Variants in CFAP20DC observed in about 807,000 individuals in gnomAD.
CFAP20DC encodes CFAP20 domain containing.
In CFAP20DC, 84 loss-of-function variants were observed where a neutral mutation model predicts 101.7. That is an observed-to-expected ratio of 0.83 (90% confidence interval 0.69 to 0.99). The LOEUF (loss-of-function observed/expected upper bound fraction) is 0.99, where lower values mean the gene tolerates loss of function less well. CFAP20DC is among the 50% of genes least tolerant of loss of function. The probability of loss-of-function intolerance (pLI) is 0.00; values close to 1 mark genes in which losing one functional copy is unlikely to be tolerated. For missense variants in CFAP20DC, 1,007 were observed against 970.3 expected, an observed-to-expected ratio of 1.04 and a Z score of -0.50; for synonymous variants, 359 against 351.2, an observed-to-expected ratio of 1.02 and a Z score of -0.25.
intron 4 of CFAP20DC, among the ~76,000 whole-genome samples, chr3:58,983,660 G>T (rs1006320343): frequency 8.6e-5 from 13 of 152,036 alleles, no homozygotes; most frequent in Admixed American, 8.5e-4. Flanking sequence ...CACCAAAATA[G>T]AAATTGTTAT....
chr3:58,965,525 T>C (rs1185660360), intron 4 of CFAP20DC, among the ~76,000 whole-genome samples: 1 of 152,168 alleles, frequency 6.6e-6, no homozygotes, highest in African/African-American at 2.4e-5. Context: ...ATCTCAGATG[T>C]GCCACATCCT....
chr3:58,874,393 T>C lies in CFAP20DC; in HGVS notation c.716-4084A>G, dbSNP rs1377388594. Among the ~76,000 whole-genome samples the C allele has an allele frequency of 6.6e-6, 1 of 152,244 alleles. No homozygotes were observed. The highest frequency in any genetic ancestry group is 1.5e-5 in the Non-Finnish European group (1 of 68,044). On this transcript the variant is annotated intron_variant, in intron 7 of 16. Coordinates refer to ENST00000482387, the MANE Select transcript of CFAP20DC (RefSeq NM_001394063.1). The surrounding 1 kb of genome is among the most constrained non-coding windows in gnomAD (Gnocchi z 5.1). ...CCAAAATGCAGCCAGAGAGGTTTTA[T>C]ACAAACATAAATCTAATTGAGTCAT...
intron 3 of CFAP20DC, among the ~76,000 whole-genome samples, chr3:59,044,305 C>T (rs951894006): frequency 6.6e-6 from 1 of 152,078 alleles, no homozygotes; most frequent in Non-Finnish European, 1.5e-5. Context: ...ACAAACTTCA[C>T]ATAGAAGGTC....
At chr3:59,004,110 G>C (rs1004046745) in intron 4 of CFAP20DC, among the ~76,000 whole-genome samples, 5 of 152,128 alleles carry the variant, frequency 3.3e-5, no homozygotes, top group African/African-American at 7.2e-5. Flanking sequence ...TAGGACAAGG[G>C]GGTCAAGCTA....
intron 6 of CFAP20DC, among the ~76,000 whole-genome samples, chr3:58,903,266 G>A (rs1020953309): frequency 1.3e-5 from 2 of 151,948 alleles, no homozygotes; most frequent in African/African-American, 4.8e-5. Context: ...TTCTCTAAGA[G>A]TTTTACAGTT....
At chr3:58,946,344 T>A (rs1160316374) in intron 4 of CFAP20DC, among the ~76,000 whole-genome samples, 5 of 151,988 alleles carry the variant, frequency 3.3e-5, no homozygotes, top group African/African-American at 1.2e-4. Context: ...CTCGAACTCC[T>A]GACCTCAGGT....
At chr3:58,779,522 G>A (rs1395358211) in intron 15 of CFAP20DC, among the ~76,000 whole-genome samples, 1 of 152,014 alleles carries the variant, frequency 6.6e-6, no homozygotes, top group East Asian at 1.9e-4. Flanking sequence ...GCAAATATTA[G>A]TAGATAGAAA....
intron 14 of CFAP20DC, among the ~76,000 whole-genome samples, chr3:58,807,491 C>A (rs980429185): frequency 1.3e-5 from 2 of 152,222 alleles, no homozygotes; most frequent in African/African-American, 4.8e-5. Flanking sequence ...CTCCAACAGA[C>A]CTGCAGCTGA....
At chr3:58,908,378 AAT>A (rs2107294368) in intron 6 of CFAP20DC, among the ~76,000 whole-genome samples, 1 of 152,264 alleles carries the variant, frequency 6.6e-6, no homozygotes, top group East Asian at 1.9e-4. Context: ...TCATCCTTCT[AAT>A]ATGATTTTTC....
At chr3:59,032,050 G>A (rs1225543640) in intron 4 of CFAP20DC, among the ~76,000 whole-genome samples, 1 of 152,190 alleles carries the variant, frequency 6.6e-6, no homozygotes, top group African/African-American at 2.4e-5. Context: ...AGGAGGGCGA[G>A]CCAAAGCAGG....
chr3:58,906,058 T>A (rs2083555721), intron 6 of CFAP20DC, among the ~76,000 whole-genome samples: 1 of 152,176 alleles, frequency 6.6e-6, no homozygotes. Flanking sequence ...ACTTGACCTC[T>A]CCATGCCTCA....
intron 14 of CFAP20DC, among the ~76,000 whole-genome samples, chr3:58,822,758 C>G (rs2075773645): frequency 6.6e-6 from 1 of 152,246 alleles, no homozygotes; most frequent in African/African-American, 2.4e-5. Context: ...TCCTCACCTA[C>G]AAATGGATAT....
At chr3:58,850,670 ATAAACT>A (rs573715749) in intron 12 of CFAP20DC, among the ~76,000 whole-genome samples, 275 of 152,194 alleles carry the variant, frequency 1.8e-3, no homozygotes, top group African/African-American at 6.4e-3. Context: ...ATGTGAAATG[ATAAACT>A]TAGAATAGAG....
rs551090547 is a variant in CFAP20DC at position 58,769,217 on chromosome 3, C to T, written c.2238-15354G>A. 6.6e-5 allele frequency among the ~76,000 whole-genome samples: 10 copies of T among 152,134 alleles called. No homozygotes were observed. In the East Asian group the frequency reaches 1.7e-3, roughly 26 times the overall value. On this transcript the variant is annotated intron_variant, in intron 15 of 16. Transcript: ENST00000482387. ...TGCCCCTGACTTCCTTCTCCCTCCTCCTCTGATCTTCATTGGCTGAGTGCC... is the reference window on the plus strand; with the variant it reads ...TGCCCCTGACTTCCTTCTCCCTCCTTCTCTGATCTTCATTGGCTGAGTGCC...
At chr3:59,004,214 T>C (rs1341355731) in intron 4 of CFAP20DC, among the ~76,000 whole-genome samples, 4 of 152,140 alleles carry the variant, frequency 2.6e-5, no homozygotes, top group Admixed American at 6.5e-5. Context: ...TCCTGATGTA[T>C]AGCAGGTGTT....
At chr3:58,753,634 G>A (rs2068722849) in intron 16 of CFAP20DC, 135 bp downstream of exon 16, 2 of 650,466 alleles carry the variant, frequency 3.1e-6, no homozygotes, top group Non-Finnish European at 5.4e-6. Context: ...TGAGGCTCAG[G>A]TTACCTCATT....
intron 4 of CFAP20DC, among the ~76,000 whole-genome samples, chr3:58,978,098 T>G (rs2092357299): frequency 6.6e-6 from 1 of 152,150 alleles, no homozygotes; most frequent in South Asian, 2.1e-4. Context: ...TAGCTCTTTG[T>G]TCCTGGGTGG....
At chr3:58,748,829 G>A (rs2068375688) in intron 16 of CFAP20DC, among the ~76,000 whole-genome samples, 1 of 152,180 alleles carries the variant, frequency 6.6e-6, no homozygotes, top group African/African-American at 2.4e-5. Flanking sequence ...GGATTTAAGG[G>A]TGTGGACACC....
At chr3:58,941,551 A>C (rs998237803) in intron 4 of CFAP20DC, among the ~76,000 whole-genome samples, 1 of 151,410 alleles carries the variant, frequency 6.6e-6, no homozygotes, top group Non-Finnish European at 1.5e-5. Flanking sequence ...CTGCTTTTTC[A>C]ACTTTATAAC....
Sources: allele counts gnomAD v4.1 joint callset (sites outside exome capture counted in the v4.1 genomes callset), GRCh38; gene constraint gnomAD v4.1.1; non-coding constraint Gnocchi (gnomAD v3.1); transcripts MANE v1.5; gene names NCBI Gene and HGNC (gene_info 2026-07-23, HGNC 2026-07-21).